Variants in NRP1 observed in about 807,000 individuals in gnomAD.
NRP1 encodes the protein neuropilin-1.
A neutral mutation model predicts 106.7 loss-of-function variants in NRP1; 35 were observed. That is an observed-to-expected ratio of 0.33 (90% CI 0.25 to 0.43). The LOEUF (loss-of-function observed/expected upper bound fraction) is 0.43, where lower values mean the gene tolerates loss of function less well. Among genes scored for constraint, NRP1 ranks in the 20% least tolerant of loss-of-function variants. The pLI is 1.00. For missense variants in NRP1, 1,024 were observed against 1,170.4 expected (o/e 0.87, Z 1.83); for synonymous variants, 437 against 417.9 (o/e 1.05, Z -0.56).
chr10:33,326,854 G>C (rs1415957463), intron 2 of NRP1, among the ~76,000 whole-genome samples: 1 of 152,144 alleles, frequency 6.6e-6, no homozygotes, highest in Non-Finnish European at 1.5e-5. Flanking sequence ...AACTGGGTCA[G>C]TCTTGGTGCT....
chr10:33,222,926 G>A (rs777922335), intron 7 of NRP1, among the ~76,000 whole-genome samples: 5 of 152,206 alleles, frequency 3.3e-5, no homozygotes, highest in Non-Finnish European at 7.3e-5. Flanking sequence ...CTGCCTGGGC[G>A]GGGGGCTGCA....
At chr10:33,249,474 G>C (rs1445686312) in intron 6 of NRP1, 1 of 529,716 alleles carries the variant, frequency 1.9e-6, no homozygotes, top group East Asian at 5.5e-5. Context: ...GAGCTTAATG[G>C]CCTGGGTTCT....
At chr10:33,248,145 C>T (rs1254085549) in intron 6 of NRP1, among the ~76,000 whole-genome samples, 2 of 152,094 alleles carry the variant, frequency 1.3e-5, no homozygotes, top group Admixed American at 1.3e-4. Flanking sequence ...CAAAAATTAC[C>T]TGGGCTTGGT....
intron 5 of NRP1, among the ~76,000 whole-genome samples, chr10:33,254,437 T>G (rs920423700): frequency 2.0e-5 from 3 of 152,222 alleles, no homozygotes; most frequent in African/African-American, 7.2e-5. Context: ...AAAAGACTAT[T>G]TGAAATTTAC....
At chr10:33,300,355 G>C (rs1030400482) in intron 2 of NRP1, among the ~76,000 whole-genome samples, 1 of 152,234 alleles carries the variant, frequency 6.6e-6, no homozygotes, top group Non-Finnish European at 1.5e-5. Flanking sequence ...ATCTGTGTCA[G>C]AAAGAACTCA....
intron 2 of NRP1, among the ~76,000 whole-genome samples, chr10:33,316,516 G>A (rs1187778814): frequency 6.6e-6 from 1 of 152,232 alleles, no homozygotes; most frequent in African/African-American, 2.4e-5. Flanking sequence ...TCAGATTCAG[G>A]AAGCTAGGTA....
At chr10:33,183,149 A>G (rs766409448) in intron 15 of NRP1, among the ~76,000 whole-genome samples, 2 of 152,146 alleles carry the variant, frequency 1.3e-5, no homozygotes, top group Non-Finnish European at 2.9e-5. Flanking sequence ...TGGGCAACAT[A>G]GTGAGATCCC....
chr10:33,216,673 G>T (rs1157815995), intron 8 of NRP1, among the ~76,000 whole-genome samples: 3 of 150,226 alleles, frequency 2.0e-5, no homozygotes, highest in African/African-American at 4.9e-5. Flanking sequence ...AACTACTGGG[G>T]TCAAGAGATC....
At position 33,246,357 on chromosome 10, in the gene NRP1, T is replaced by C. The variant is rs557481314; in HGVS notation, c.981+7671A>G. Among the ~76,000 whole-genome samples, 10 of 152,292 alleles carry C rather than the reference T, an allele frequency of 6.6e-5. No individual in the cohort carries two copies. In the East Asian group the frequency reaches 1.7e-3, roughly 26 times the overall value. ...TTAGGAAAAGTTCCTCAGGACACTG[T>C]AGATTATGGAACAGACTTCCTGGGT... On this transcript the variant is annotated intron_variant, in intron 6 of 16. Transcript: ENST00000374867.
At position 33,297,128 on chromosome 10, in the gene NRP1, C is replaced by T. The variant is rs543054746; in HGVS notation, c.249-26272G>A. Among the ~76,000 whole-genome samples, 8 of 152,314 alleles carry T rather than the reference C, an allele frequency of 5.3e-5. No homozygotes were observed. In the East Asian group the frequency reaches 1.2e-3, roughly 22 times the overall value. On this transcript the variant is annotated intron_variant, in intron 2 of 16. Coordinates refer to ENST00000374867, the MANE Select transcript of NRP1 (RefSeq NM_003873.7). ...GTAATGCAAAGCAAGCACTGAACATCTCTCTACCTGATGCCACTTAAGTTA... is the reference window on the plus strand; with the variant it reads ...GTAATGCAAAGCAAGCACTGAACATTTCTCTACCTGATGCCACTTAAGTTA...
At chr10:33,272,792 T>G (rs1465084589) in intron 2 of NRP1, among the ~76,000 whole-genome samples, 1 of 152,170 alleles carries the variant, frequency 6.6e-6, no homozygotes, top group East Asian at 1.9e-4. Context: ...TGCATCCAGC[T>G]CTGCAATATA....
chr10:33,263,857 C>T lies in NRP1; in HGVS notation c.447G>A (p.Gln149=). ...EIFKRGPECS[Q]NYTTPSGVIK... ...TCACTCCACTAGGTGTTGTGTAGTT[C>T]TGGGAACATTCAGGACCTATGAGTA... Residue 149 remains glutamine, a synonymous_variant, in exon 4 of 17, where the codon CAG becomes CAA. Coordinates refer to ENST00000374867, the MANE Select transcript of NRP1 (RefSeq NM_003873.7). 1 of 1,611,394 alleles carries T rather than the reference C, an allele frequency of 6.2e-7. No individual in the cohort carries two copies. The highest frequency in any genetic ancestry group is 1.3e-5 in the African/African-American group (1 of 74,962).
intron 7 of NRP1, among the ~76,000 whole-genome samples, chr10:33,225,604 A>G (rs912341809): frequency 2.0e-5 from 3 of 152,196 alleles, no homozygotes; most frequent in African/African-American, 7.2e-5. Flanking sequence ...AGCAGTACGG[A>G]GGTAGTGTGT....
intron 15 of NRP1, among the ~76,000 whole-genome samples, chr10:33,183,234 A>C (rs181122419): frequency 6.6e-6 from 1 of 152,008 alleles, no homozygotes; most frequent in Admixed American, 6.6e-5. Flanking sequence ...TGTGCCCAGG[A>C]GATGGAGTTT....
rs138053804 is a variant in NRP1 at position 33,295,885 on chromosome 10, A to G, written c.249-25029T>C. Among the ~76,000 whole-genome samples, 4 of 152,352 alleles carry G rather than the reference A, an allele frequency of 2.6e-5. No homozygotes were observed. In the East Asian group the frequency reaches 7.7e-4, roughly 29 times the overall value. On this transcript the variant is annotated intron_variant, in intron 2 of 16. Coordinates refer to ENST00000374867, the MANE Select transcript of NRP1 (RefSeq NM_003873.7). Reference sequence around the variant, plus strand: ...ATTATGCTAAAACTCAAGGAAATTAAGTTAATAACAAGCAAAGCCTAAAGT... The same window carrying G: ...ATTATGCTAAAACTCAAGGAAATTAGGTTAATAACAAGCAAAGCCTAAAGT...
At chr10:33,225,094 C>T (rs2132930682) in intron 7 of NRP1, among the ~76,000 whole-genome samples, 1 of 152,326 alleles carries the variant, frequency 6.6e-6, no homozygotes, top group African/African-American at 2.4e-5. Context: ...TCCATGTCCT[C>T]CAGGACTAGA....
chr10:33,330,575 ATAATC>A (rs2132968739), intron 2 of NRP1, 128 bp downstream of exon 2: 1 of 628,984 alleles, frequency 1.6e-6, no homozygotes, highest in East Asian at 3.2e-5. Context: ...CCATTGACAT[ATAATC>A]TGGCTGAGAT....
intron 13 of NRP1, among the ~76,000 whole-genome samples, chr10:33,186,881 G>A (rs953629933): frequency 6.8e-6 from 1 of 147,560 alleles, no homozygotes; most frequent in Non-Finnish European, 1.5e-5. Context: ...TATTTATTAT[G>A]TTAGACACTC....
intron 6 of NRP1, among the ~76,000 whole-genome samples, chr10:33,245,675 C>T (rs982304323): frequency 6.6e-6 from 1 of 152,200 alleles, no homozygotes; most frequent in Non-Finnish European, 1.5e-5. Context: ...CAGGTTCTGT[C>T]ATTAACTTCC....
Sources: allele counts gnomAD v4.1 joint callset (sites outside exome capture counted in the v4.1 genomes callset), GRCh38; gene constraint gnomAD v4.1.1; transcripts MANE v1.5; gene names NCBI Gene and HGNC (gene_info 2026-07-23, HGNC 2026-07-21).